HIVEP3: variants seen among roughly 807,000 people sequenced by gnomAD.
The protein encoded by HIVEP3 is HIVEP zinc finger 3, also known as transcription factor HIVEP3.
In HIVEP3, 49 loss-of-function variants were observed where a neutral mutation model predicts 152.8. The ratio of observed to expected loss-of-function variants is 0.32; its 90% CI spans 0.26 to 0.41. HIVEP3 has a LOEUF of 0.41. Ranked by LOEUF, HIVEP3 falls within the 10% of genes least tolerant of loss-of-function variation. The pLI, the probability that HIVEP3 is intolerant of heterozygous loss-of-function variation, is 1.00. For missense variants in HIVEP3, 2,790 were observed against 3,103.3 expected (o/e 0.90, Z 2.40); for synonymous variants, 1,269 against 1,289.0 (o/e 0.98, Z 0.33).
intron 3 of HIVEP3, among the ~76,000 whole-genome samples, chr1:41,624,367 G>A (rs1645087207): frequency 6.6e-6 from 1 of 152,192 alleles, no homozygotes; most frequent in Non-Finnish European, 1.5e-5. Context: ...CAGAAAACGA[G>A]CACGTACACA....
intron 8 of HIVEP3, among the ~76,000 whole-genome samples, chr1:41,512,201 C>A (rs916216446): frequency 2.6e-5 from 4 of 152,062 alleles, no homozygotes; most frequent in African/African-American, 7.3e-5. Context: ...GAATTGTAAA[C>A]CCCAGTGTTA....
chr1:41,774,772 TTTTATTTATTTA>T (rs199947047), intron 1 of HIVEP3, among the ~76,000 whole-genome samples: 72 of 143,788 alleles, frequency 5.0e-4, no homozygotes, highest in South Asian at 3.3e-3. Flanking sequence ...GCATCTTTTA[TTTTATTTATTTA>T]TTTATTTATT....
At chr1:41,545,326 CCAT>C (rs1643734276) in intron 5 of HIVEP3, among the ~76,000 whole-genome samples, 1 of 144,042 alleles carries the variant, frequency 6.9e-6, no homozygotes. Flanking sequence ...ACCATCGCCA[CCAT>C]CACCACTATC....
At chr1:41,528,928 C>T (rs61720644) in intron 5 of HIVEP3, among the ~76,000 whole-genome samples, 8,042 of 136,348 alleles carry the variant, frequency 0.059, 1,115 homozygotes, top group African/African-American at 0.23. Context: ...CGCACACCCC[C>T]GCCCTCACAC....
chr1:41,796,393 T>G (rs1405723134), intron 1 of HIVEP3, among the ~76,000 whole-genome samples: 2 of 152,248 alleles, frequency 1.3e-5, no homozygotes, highest in Non-Finnish European at 2.9e-5. Context: ...GAGAACTATA[T>G]GAGGACAAAG....
chr1:41,901,414 C>T (rs956976697), intron 1 of HIVEP3, among the ~76,000 whole-genome samples: 1 of 151,984 alleles, frequency 6.6e-6, no homozygotes, highest in Non-Finnish European at 1.5e-5. Flanking sequence ...GACACCTTCA[C>T]CTAGGGGAAG....
At chr1:41,595,973 T>A (rs1156437619) in intron 3 of HIVEP3, among the ~76,000 whole-genome samples, 2 of 152,234 alleles carry the variant, frequency 1.3e-5, no homozygotes, top group East Asian at 3.9e-4. Context: ...TCTATCCTAG[T>A]AGTTCTGTCC....
intron 3 of HIVEP3, among the ~76,000 whole-genome samples, chr1:41,591,523 C>G (rs1644586815): frequency 6.6e-6 from 1 of 151,988 alleles, no homozygotes; most frequent in South Asian, 2.1e-4. Context: ...CAACCCAGGG[C>G]ACAAGCTAGA....
chr1:41,916,204 TCTC>T (rs1247177565), intron 1 of HIVEP3, among the ~76,000 whole-genome samples: 1 of 152,000 alleles, frequency 6.6e-6, no homozygotes, highest in Non-Finnish European at 1.5e-5. Context: ...AGCACACACT[TCTC>T]CACTCCAAGG....
chr1:41,592,195 A>G (rs555162867), intron 3 of HIVEP3, among the ~76,000 whole-genome samples: 30 of 152,266 alleles, frequency 2.0e-4, no homozygotes, highest in African/African-American at 7.2e-4. Flanking sequence ...AGGGCAGATC[A>G]GGAGGCCTGG....
intron 2 of HIVEP3, among the ~76,000 whole-genome samples, chr1:41,647,264 G>T (rs1645474704): frequency 5.3e-5 from 8 of 152,218 alleles, no homozygotes; most frequent in Admixed American, 5.2e-4. Flanking sequence ...CACTGTGTGA[G>T]GCACATCTCC....
At chr1:41,546,175 A>T (rs1643799219) in intron 5 of HIVEP3, among the ~76,000 whole-genome samples, 2 of 152,206 alleles carry the variant, frequency 1.3e-5, no homozygotes, top group African/African-American at 4.8e-5. Flanking sequence ...GAACAGGCTC[A>T]GTCCCTGGGG....
rs142440049 is a variant in HIVEP3, at chr1:41,639,192, A to C, written c.-720-10245T>G. Among the ~76,000 whole-genome samples, 716 of 152,326 alleles carry C rather than the reference A, an allele frequency of 4.7e-3. 2 individuals are homozygous for C. Among genetic ancestry groups the C allele is most frequent in the South Asian group, 0.011 (52 of 4,828 alleles). ...TCTGTGATCAATAAGAAAACATGAA[A>C]ATCTAAGACATGGGTCACACATGGC... is the stretch of plus-strand genomic sequence containing the variant. On this transcript the variant is annotated intron_variant, in intron 2 of 8. Transcript: ENST00000372583.
chr1:41,602,180 T>C (rs907934195), intron 3 of HIVEP3, among the ~76,000 whole-genome samples: 20 of 152,216 alleles, frequency 1.3e-4, no homozygotes, highest in Admixed American at 1.2e-3. Flanking sequence ...TCTATATTCA[T>C]TAAGAATATT....
chr1:41,558,724 G>A (rs1457243301), intron 5 of HIVEP3, among the ~76,000 whole-genome samples: 1 of 152,158 alleles, frequency 6.6e-6, no homozygotes, highest in Non-Finnish European at 1.5e-5. Flanking sequence ...GGGATGCAGG[G>A]GAGGTGCCCA....
At chr1:41,620,300 A>G (rs1040674611) in intron 3 of HIVEP3, among the ~76,000 whole-genome samples, 1 of 152,174 alleles carries the variant, frequency 6.6e-6, no homozygotes, top group African/African-American at 2.4e-5. Context: ...TCGTGATTTC[A>G]GTTTTAGTTT....
chr1:41,767,673 C>A (rs1648100629), intron 1 of HIVEP3, among the ~76,000 whole-genome samples: 1 of 152,236 alleles, frequency 6.6e-6, no homozygotes, highest in African/African-American at 2.4e-5. Context: ...CGCGAACAAG[C>A]ACACTGCTTG....
chr1:41,981,840 G>A (rs1645295736), intron 1 of HIVEP3, among the ~76,000 whole-genome samples: 1 of 152,226 alleles, frequency 6.6e-6, no homozygotes, highest in African/African-American at 2.4e-5. Context: ...TCCACTGAAT[G>A]TGTGGGCACT....
At chr1:41,905,303 G>C (rs1644692833) in intron 1 of HIVEP3, among the ~76,000 whole-genome samples, 1 of 152,204 alleles carries the variant, frequency 6.6e-6, no homozygotes, top group African/African-American at 2.4e-5. Context: ...AGAGCTAGCA[G>C]GTGACAAAGG....
Sources: gnomAD v4.1 joint callset for allele counts (sites outside exome capture counted in the v4.1 genomes callset) on GRCh38, gnomAD v4.1.1 for gene constraint, MANE v1.5 for transcripts, NCBI Gene and HGNC (gene_info 2026-07-23, HGNC 2026-07-21) for gene names.